The following SLC35F4 variants were observed in gnomAD, a reference collection of about 807,000 sequenced individuals.
The protein encoded by SLC35F4 is solute carrier family 35 member F4, also known as chromosome 14 open reading frame 36.
A neutral mutation model predicts 44.2 loss-of-function variants in SLC35F4; 24 were observed. The observed-to-expected ratio is 0.54, with a 90% CI of 0.39 to 0.76. The LOEUF (loss-of-function observed/expected upper bound fraction) is 0.76, where lower values mean the gene tolerates loss of function less well. Ranked by LOEUF, SLC35F4 falls within the 30% of genes least tolerant of loss-of-function variation. The pLI is 0.00. For missense variants in SLC35F4, 562 were observed against 586.1 expected, an observed-to-expected ratio of 0.96 and a Z score of 0.42; for synonymous variants, 238 against 223.6, an observed-to-expected ratio of 1.06 and a Z score of -0.57.
chr14:57,566,153 C>A (rs2068197365), intron 7 of SLC35F4, among the ~76,000 whole-genome samples: 1 of 152,162 alleles, frequency 6.6e-6, no homozygotes, highest in Non-Finnish European at 1.5e-5. Flanking sequence ...AAGTCCTATG[C>A]TGGGATGCCT....
intron 1 of SLC35F4, among the ~76,000 whole-genome samples, chr14:57,818,827 G>A (rs541726236): frequency 6.6e-6 from 1 of 152,182 alleles, no homozygotes. Flanking sequence ...GTGGACTGTA[G>A]CTTGTTTCAA....
intron 1 of SLC35F4, among the ~76,000 whole-genome samples, chr14:57,827,985 A>T (rs1883970477): frequency 6.6e-6 from 1 of 152,176 alleles, no homozygotes. Flanking sequence ...ATGAATCCCA[A>T]ATTCTAATTG....
intron 1 of SLC35F4, among the ~76,000 whole-genome samples, chr14:57,710,500 T>C (rs1014853598): frequency 6.6e-6 from 1 of 152,114 alleles, no homozygotes; most frequent in Non-Finnish European, 1.5e-5. Context: ...GCCAGCATCC[T>C]CCAGACCTCA....
intron 1 of SLC35F4, among the ~76,000 whole-genome samples, chr14:57,635,666 C>G (rs1307718415): frequency 6.6e-6 from 1 of 152,044 alleles, no homozygotes; most frequent in Admixed American, 6.6e-5. Context: ...AATTAATAAG[C>G]ATCTGCAAAA....
chr14:57,843,127 G>A (rs536125671), intron 1 of SLC35F4, among the ~76,000 whole-genome samples: 1 of 152,302 alleles, frequency 6.6e-6, no homozygotes, highest in African/African-American at 2.4e-5. Context: ...TGGGGACTCA[G>A]TCTGGCTTCC....
At chr14:57,657,118 C>T (rs1345945270) in intron 1 of SLC35F4, among the ~76,000 whole-genome samples, 4 of 152,232 alleles carry the variant, frequency 2.6e-5, no homozygotes, top group East Asian at 1.9e-4. Flanking sequence ...TTGACTCAAA[C>T]GCCTTTTGTT....
intron 1 of SLC35F4, among the ~76,000 whole-genome samples, chr14:57,815,259 C>T (rs1882432519): frequency 6.6e-6 from 1 of 152,158 alleles, no homozygotes; most frequent in Non-Finnish European, 1.5e-5. Context: ...GCCCAACCTG[C>T]TAAGACATCT....
chr14:57,647,997 G>C (rs1403932728), intron 1 of SLC35F4, among the ~76,000 whole-genome samples: 1 of 152,136 alleles, frequency 6.6e-6, no homozygotes, highest in Non-Finnish European at 1.5e-5. Flanking sequence ...TCAGAATTGA[G>C]CGGTTTCATG....
At chr14:57,662,549 T>C (rs2074171474) in intron 1 of SLC35F4, among the ~76,000 whole-genome samples, 1 of 152,184 alleles carries the variant, frequency 6.6e-6, no homozygotes. Flanking sequence ...CCAACTTCCC[T>C]TTGGCTTCTT....
chr14:57,828,651 T>C (rs544318367), intron 1 of SLC35F4, among the ~76,000 whole-genome samples: 7 of 152,320 alleles, frequency 4.6e-5, no homozygotes, highest in African/African-American at 1.7e-4. Context: ...AGAAGTCCAT[T>C]GTGTCACAGA....
chr14:57,599,289 G>A (rs77446597), intron 1 of SLC35F4, among the ~76,000 whole-genome samples: 2,331 of 152,274 alleles, frequency 0.015, 49 homozygotes, highest in African/African-American at 0.053. Context: ...ATAGGGCAGT[G>A]GCTCCCTAAG....
intron 1 of SLC35F4, among the ~76,000 whole-genome samples, chr14:57,663,630 G>A (rs914302016): frequency 8.6e-5 from 13 of 152,022 alleles, no homozygotes; most frequent in African/African-American, 2.7e-4. Context: ...CCAGTTAGTC[G>A]GTAACACGTT....
chr14:57,810,064 G>T (rs905899898), intron 1 of SLC35F4, among the ~76,000 whole-genome samples: 2 of 152,146 alleles, frequency 1.3e-5, no homozygotes, highest in Non-Finnish European at 2.9e-5. Context: ...TCTCAACTCA[G>T]TATTGAAATA....
At chr14:57,676,003 G>T (rs187762832) in intron 1 of SLC35F4, among the ~76,000 whole-genome samples, 74 of 152,082 alleles carry the variant, frequency 4.9e-4, no homozygotes, top group African/African-American at 1.6e-3. Context: ...CTCAGCAAAG[G>T]AAATAATCAG....
Position 57,762,364 on chromosome 14 carries a change from GAT to G in SLC35F4, c.103+103357_103+103358del, listed in dbSNP as rs546180476. Among the ~76,000 whole-genome samples the G allele has an allele frequency of 3.9e-5, 6 of 152,216 alleles. No individual in the cohort carries two copies. The South Asian group carries it at 1.2e-3, about 32-fold the overall frequency. On this transcript the variant is annotated intron_variant, in intron 1 of 7. Coordinates refer to ENST00000556826, the MANE Select transcript of SLC35F4 (RefSeq NM_001306087.2). ...ACAAGACTTGGACAAGAAGCAAAGGGATTAGTGAGAACCCATTCTATGTAGTG... is the reference window on the plus strand; with the variant it reads ...ACAAGACTTGGACAAGAAGCAAAGGGTAGTGAGAACCCATTCTATGTAGTG...
Position 57,793,762 on chromosome 14 carries a change from G to A in SLC35F4, c.103+71961C>T, listed in dbSNP as rs575245026. ...TTCCCAGCAGTGGAATTGCTGGATT[G>A]AATGATAGATTTACTTTTGGTTCTT... On this transcript the variant is annotated intron_variant, in intron 1 of 7. Coordinates refer to ENST00000556826, the MANE Select transcript of SLC35F4 (RefSeq NM_001306087.2). 2.6e-5 allele frequency among the ~76,000 whole-genome samples: 4 copies of A among 152,174 alleles called. No individual in the cohort carries two copies. The South Asian group carries it at 8.3e-4, about 32-fold the overall frequency.
chr14:57,793,983 T>C (rs1251967347), intron 1 of SLC35F4, among the ~76,000 whole-genome samples: 3 of 152,114 alleles, frequency 2.0e-5, no homozygotes, highest in South Asian at 4.1e-4. Flanking sequence ...ATTCAATAAA[T>C]GGTGCTGGGA....
chr14:57,617,470 C>G (rs895855203), intron 1 of SLC35F4, among the ~76,000 whole-genome samples: 9 of 152,164 alleles, frequency 5.9e-5, no homozygotes, highest in Non-Finnish European at 1.2e-4. Flanking sequence ...AATGACAGAG[C>G]TTCCTAATCA....
chr14:57,631,866 T>TA (rs953854291), intron 1 of SLC35F4, among the ~76,000 whole-genome samples: 2 of 152,002 alleles, frequency 1.3e-5, no homozygotes, highest in African/African-American at 2.4e-5. Context: ...AGCCAAAAAT[T>TA]AAAAAAAGTC....
Sources: gnomAD v4.1 joint callset for allele counts (sites outside exome capture counted in the v4.1 genomes callset) on GRCh38, gnomAD v4.1.1 for gene constraint, MANE v1.5 for transcripts, NCBI Gene and HGNC (gene_info 2026-07-23, HGNC 2026-07-21) for gene names.